VAV2: variants seen among roughly 807,000 people sequenced by gnomAD.
VAV2 encodes guanine nucleotide exchange factor VAV2.
Under a neutral mutation model 132.5 loss-of-function variants are expected in VAV2, and 67 were observed. The observed-to-expected ratio is 0.51, with a 90% CI of 0.42 to 0.62. VAV2 has a LOEUF of 0.62. VAV2 is among the 20% of genes least tolerant of loss of function. The pLI, the probability that VAV2 is intolerant of heterozygous loss-of-function variation, is 0.00. For missense variants in VAV2, 938 were observed against 1,153.6 expected (o/e 0.81, Z 2.71); for synonymous variants, 492 against 443.5 (o/e 1.11, Z -1.37).
Position 133,770,365 on chromosome 9 carries a change from G to T in VAV2, c.2347+13C>A, listed in dbSNP as rs775890584. The T allele has an allele frequency of 6.2e-7, 1 of 1,613,740 alleles. No individual in the cohort carries two copies. The highest frequency in any genetic ancestry group is 8.5e-7 in the Non-Finnish European group (1 of 1,179,804). On this transcript the variant is annotated intron_variant, in intron 27 of 29. Coordinates refer to ENST00000371850, the MANE Select transcript of VAV2 (RefSeq NM_001134398.2). Reference sequence around the variant, plus strand: ...CGAGGAGTGCTGGTGTGCCGGCTGGGCCGGGGCGTTACCTGGGGACCGGCT... The same window carrying T: ...CGAGGAGTGCTGGTGTGCCGGCTGGTCCGGGGCGTTACCTGGGGACCGGCT...
rs1449381938 is a variant in VAV2, at chr9:133,768,619, T to C, written c.2435-23A>G. On this transcript the variant is annotated intron_variant, in intron 28 of 29. Coordinates refer to ENST00000371850, the MANE Select transcript of VAV2 (RefSeq NM_001134398.2). This position sits in a 1 kb window ranked among gnomAD's most constrained non-coding sequence, Gnocchi z 5.3. Reference sequence around the variant, plus strand: ...ACACTGTTGAGGGAGATGGGCAGCATCACACAGCTGCAGGAGGAGCCCAAC... The same window carrying C: ...ACACTGTTGAGGGAGATGGGCAGCACCACACAGCTGCAGGAGGAGCCCAAC... 3 of 1,609,688 alleles carry C rather than the reference T, an allele frequency of 1.9e-6. No homozygotes were observed. The Admixed American group carries it at 5.0e-5, about 27-fold the overall frequency.
chr9:133,848,070 G>T (rs1456471466), intron 3 of VAV2, among the ~76,000 whole-genome samples: 3 of 152,148 alleles, frequency 2.0e-5, no homozygotes, highest in Admixed American at 2.0e-4. Flanking sequence ...GAGGTCAGGA[G>T]ATCGAGACCA....
rs903040855 is a variant in VAV2 at position 133,772,896 on chromosome 9, C to T, written c.2136-850G>A. Among the ~76,000 whole-genome samples, 18 of 147,696 alleles carry T rather than the reference C, an allele frequency of 1.2e-4. 1 individual carries two copies. Among genetic ancestry groups the T allele is most frequent in the Non-Finnish European group, 2.4e-4 (16 of 66,430 alleles). ...GGACAGCAGAGCCTACTGCACACCC[C>T]ACATGTAGGCTGGACGGCAGAGCCT... On this transcript the variant is annotated intron_variant, in intron 25 of 29. Coordinates refer to ENST00000371850, the MANE Select transcript of VAV2 (RefSeq NM_001134398.2).
intron 26 of VAV2, among the ~76,000 whole-genome samples, chr9:133,771,476 GAAAAGAA>G (rs1221010063): frequency 6.6e-6 from 1 of 152,210 alleles, no homozygotes; most frequent in Non-Finnish European, 1.5e-5. Context: ...TTGTAATTAA[GAAAAGAA>G]AATGTAGGCA....
At chr9:133,908,385 C>T (rs922764045) in intron 2 of VAV2, among the ~76,000 whole-genome samples, 1 of 152,104 alleles carries the variant, frequency 6.6e-6, no homozygotes, top group African/African-American at 2.4e-5. Context: ...GGCCAGTGGG[C>T]ACCCTGTCCT....
Position 133,863,352 on chromosome 9 carries a change from G to A in VAV2, c.322-1920C>T, listed in dbSNP as rs529146975. 7.9e-5 allele frequency among the ~76,000 whole-genome samples: 12 copies of A among 152,288 alleles called. No individual in the cohort carries two copies. Among genetic ancestry groups the A allele is most frequent in the Non-Finnish European group, 1.3e-4 (9 of 68,024 alleles). ...GGAGTCTAAGGAGGCACCAGCATTC[G>A]GTCAGCGCTGACACACAAGAACCTG... On this transcript the variant is annotated intron_variant, in intron 2 of 29. Transcript: ENST00000371850. This position sits in a 1 kb window ranked among gnomAD's most constrained non-coding sequence, Gnocchi z 5.0.
At chr9:133,830,904 C>T (rs1443889926) in intron 4 of VAV2, among the ~76,000 whole-genome samples, 2 of 152,092 alleles carry the variant, frequency 1.3e-5, no homozygotes, top group Non-Finnish European at 2.9e-5. Context: ...GACCAAATTG[C>T]AAGTTAAAGA....
At position 133,879,674 on chromosome 9, in the gene VAV2, A is replaced by C. The variant is rs892867769; in HGVS notation, c.322-18242T>G. Among the ~76,000 whole-genome samples the C allele has an allele frequency of 6.6e-6, 1 of 152,226 alleles. No homozygotes were observed. The highest frequency in any genetic ancestry group is 2.4e-5 in the African/African-American group (1 of 41,462). On this transcript the variant is annotated intron_variant, in intron 2 of 29. Coordinates refer to ENST00000371850, the MANE Select transcript of VAV2 (RefSeq NM_001134398.2). The surrounding 1 kb of genome is among the most constrained non-coding windows in gnomAD (Gnocchi z 4.4). The stretch of plus-strand genomic sequence containing the variant: ...CCAGGACGAACAGCACTGCTGGCTC[A>C]GATGAACCACCAAGAACCTGCTCTC...
intron 1 of VAV2, among the ~76,000 whole-genome samples, chr9:133,966,549 T>C (rs1294587655): frequency 2.0e-5 from 3 of 152,030 alleles, no homozygotes; most frequent in Admixed American, 1.3e-4. Flanking sequence ...CTACAAAACA[T>C]ACAAAAATTA....
intron 1 of VAV2, among the ~76,000 whole-genome samples, chr9:133,990,257 C>G (rs1842973619): frequency 6.6e-6 from 1 of 152,166 alleles, no homozygotes; most frequent in South Asian, 2.1e-4. Flanking sequence ...ACCGGCCCAG[C>G]AGCGGGACCC....
At chr9:133,970,746 A>G (rs1842304286) in intron 1 of VAV2, among the ~76,000 whole-genome samples, 1 of 152,162 alleles carries the variant, frequency 6.6e-6, no homozygotes, top group East Asian at 1.9e-4. Context: ...CCTGCCCCAC[A>G]GCCTCTCGTG....
rs1328435795 is a variant in VAV2 at position 133,826,696 on chromosome 9, A to G, written c.449+7576T>C. On this transcript the variant is annotated intron_variant, in intron 4 of 29. Transcript: ENST00000371850. The surrounding 1 kb of genome is among the most constrained non-coding windows in gnomAD (Gnocchi z 4.2). ...CTAAATAAAGCTTGGTCTCATGTCC[A>G]TGTCCTTCCTTTGGCCTCTCTTCTG... 6.6e-6 allele frequency among the ~76,000 whole-genome samples: 1 copy of G among 152,152 alleles called. No homozygotes were observed. Among genetic ancestry groups the G allele is most frequent in the African/African-American group, 2.4e-5 (1 of 41,428 alleles).
chr9:133,909,496 C>A (rs1331084094), intron 2 of VAV2, among the ~76,000 whole-genome samples: 1 of 152,222 alleles, frequency 6.6e-6, no homozygotes, highest in Non-Finnish European at 1.5e-5. Flanking sequence ...TGGGCCCCAC[C>A]TCAATGAGCC....
intron 3 of VAV2, among the ~76,000 whole-genome samples, chr9:133,841,261 G>A (rs1300732205): frequency 6.6e-6 from 1 of 151,914 alleles, no homozygotes. Context: ...CAGCTACAGG[G>A]AGAGAAGGCT....
chr9:133,885,597 A>G lies in VAV2; in HGVS notation c.322-24165T>C, dbSNP rs1838672450. On this transcript the variant is annotated intron_variant, in intron 2 of 29. Coordinates refer to ENST00000371850, the MANE Select transcript of VAV2 (RefSeq NM_001134398.2). This position sits in a 1 kb window ranked among gnomAD's most constrained non-coding sequence, Gnocchi z 5.0. ...GTGCTCAGGCCGCAGGGGAGACGTG[A>G]CCCCAGGGCGGACCCCTCCCAAGCT... Among the ~76,000 whole-genome samples, 1 of 152,112 alleles carries G rather than the reference A, an allele frequency of 6.6e-6. No homozygotes were observed. Among genetic ancestry groups the G allele is most frequent in the African/African-American group, 2.4e-5 (1 of 41,418 alleles).
At chr9:133,861,348 T>C (rs1471188706) in intron 3 of VAV2, 26 bp downstream of exon 3, 1 of 1,601,290 alleles carries the variant, frequency 6.2e-7, no homozygotes, top group East Asian at 2.3e-5. Flanking sequence ...GGACCCGGCC[T>C]TGGCAGCGCA....
At chr9:133,973,774 AC>A (rs1842418874) in intron 1 of VAV2, among the ~76,000 whole-genome samples, 1 of 151,602 alleles carries the variant, frequency 6.6e-6, no homozygotes, top group African/African-American at 2.4e-5. Context: ...ACCCATCAAC[AC>A]CCCCATCATG....
chr9:133,989,954 G>A (rs981168371), intron 1 of VAV2, among the ~76,000 whole-genome samples: 5 of 152,244 alleles, frequency 3.3e-5, no homozygotes, highest in African/African-American at 4.8e-5. Flanking sequence ...AGGGCACTAC[G>A]TGCCACAGTC....
chr9:133,766,859 G>A (rs1297669546), intron 29 of VAV2, among the ~76,000 whole-genome samples: 3 of 148,510 alleles, frequency 2.0e-5, no homozygotes, highest in East Asian at 2.0e-4. Flanking sequence ...ACATGAGAAC[G>A]CTTGCACAAA....
Sources: allele counts gnomAD v4.1 joint callset (sites outside exome capture counted in the v4.1 genomes callset), GRCh38; gene constraint gnomAD v4.1.1; non-coding constraint Gnocchi (gnomAD v3.1); transcripts MANE v1.5; gene names NCBI Gene and HGNC (gene_info 2026-07-23, HGNC 2026-07-21).